CNTNAP5: variants seen among roughly 807,000 people sequenced by gnomAD.
CNTNAP5 encodes the protein contactin associated protein family member 5, also known as contactin-associated protein-like 5.
CNTNAP5 carries 72 observed loss-of-function variants against 150.2 expected under a neutral mutation model. The observed-to-expected ratio is 0.48, with a 90% confidence interval of 0.40 to 0.58. The LOEUF is 0.58. CNTNAP5 is among the 20% of genes least tolerant of loss of function. CNTNAP5 has a pLI of 0.00. For missense variants in CNTNAP5, 1,636 were observed against 1,626.2 expected (o/e 1.01, Z -0.10); for synonymous variants, 672 against 619.8 (o/e 1.08, Z -1.25).
intron 17 of CNTNAP5, among the ~76,000 whole-genome samples, chr2:124,784,137 A>G (rs1310808440): frequency 1.3e-5 from 2 of 152,220 alleles, no homozygotes; most frequent in Admixed American, 6.5e-5. Flanking sequence ...GTTCAAGGGC[A>G]TAAAAATAAA....
At chr2:124,507,679 G>A (rs1694445653) in intron 8 of CNTNAP5, among the ~76,000 whole-genome samples, 1 of 152,124 alleles carries the variant, frequency 6.6e-6, no homozygotes, top group East Asian at 1.9e-4. Context: ...ATCCATACAA[G>A]GGAGAGCCTT....
intron 1 of CNTNAP5, among the ~76,000 whole-genome samples, chr2:124,040,035 T>C (rs1681324277): frequency 6.6e-6 from 1 of 152,206 alleles, no homozygotes; most frequent in African/African-American, 2.4e-5. Context: ...TATTTACCTC[T>C]CTAGATGATG....
chr2:124,485,629 A>AG (rs1438088435), intron 7 of CNTNAP5, among the ~76,000 whole-genome samples: 1 of 146,768 alleles, frequency 6.8e-6, no homozygotes, highest in African/African-American at 2.6e-5. Context: ...AAAAAAAAAA[A>AG]AAAAAGAAGA....
At chr2:124,500,595 A>G (rs1367326707) in intron 7 of CNTNAP5, among the ~76,000 whole-genome samples, 1 of 152,088 alleles carries the variant, frequency 6.6e-6, no homozygotes, top group Non-Finnish European at 1.5e-5. Context: ...TAAAACTGGA[A>G]AAAACGGGAC....
intron 3 of CNTNAP5, among the ~76,000 whole-genome samples, chr2:124,284,859 A>G (rs1245862509): frequency 6.6e-6 from 1 of 152,100 alleles, no homozygotes; most frequent in Non-Finnish European, 1.5e-5. Flanking sequence ...AGAACACATG[A>G]GTCAGTGGGG....
At chr2:124,412,715 A>T (rs1203458674) in intron 3 of CNTNAP5, among the ~76,000 whole-genome samples, 1 of 113,928 alleles carries the variant, frequency 8.8e-6, no homozygotes, top group Non-Finnish European at 1.7e-5. Context: ...CTTACACCTT[A>T]TACAAAAATC....
intron 3 of CNTNAP5, among the ~76,000 whole-genome samples, chr2:124,415,366 GTA>G (rs1283910538): frequency 6.6e-6 from 1 of 152,178 alleles, no homozygotes; most frequent in Non-Finnish European, 1.5e-5. Flanking sequence ...ATACATGATA[GTA>G]ATTACATCAA....
At chr2:124,129,130 T>G (rs1683787107) in intron 1 of CNTNAP5, among the ~76,000 whole-genome samples, 1 of 151,730 alleles carries the variant, frequency 6.6e-6, no homozygotes, top group African/African-American at 2.4e-5. Context: ...ATGGAAGCAA[T>G]GTACAACAAA....
chr2:124,747,763 G>T (rs1322630325), intron 14 of CNTNAP5, among the ~76,000 whole-genome samples: 2 of 135,182 alleles, frequency 1.5e-5, no homozygotes, highest in African/African-American at 2.7e-5. Context: ...GGGAGCAAAA[G>T]CACATGCCAC....
At position 124,916,125 on chromosome 2, in the gene CNTNAP5, A is replaced by G. The variant is rs543464844; in HGVS notation, c.*1837A>G. 3.9e-5 allele frequency among the ~76,000 whole-genome samples: 6 copies of G among 152,114 alleles called. No individual in the cohort carries two copies. In the South Asian group the frequency reaches 1.2e-3, roughly 32 times the overall value. The stretch of plus-strand genomic sequence containing the variant: ...TGAGTTAAGGATTTAGTTTGCAATC[A>G]TATTTCTCTATTTTAAGATGTTGTT... On this transcript the variant is annotated 3_prime_UTR_variant, in exon 24 of 24. Coordinates refer to ENST00000682447, the MANE Select transcript of CNTNAP5 (RefSeq NM_001367498.1).
At chr2:124,878,884 T>G (rs892169599) in intron 21 of CNTNAP5, among the ~76,000 whole-genome samples, 3 of 152,004 alleles carry the variant, frequency 2.0e-5, no homozygotes, top group Non-Finnish European at 4.4e-5. Flanking sequence ...GGTTTCACCA[T>G]GTTGGCCAGG....
intron 17 of CNTNAP5, among the ~76,000 whole-genome samples, chr2:124,780,627 C>A (rs553339058): frequency 1.8e-4 from 27 of 152,322 alleles, no homozygotes; most frequent in African/African-American, 5.5e-4. Flanking sequence ...ATTCTCACTG[C>A]TATTATTTTC....
chr2:124,472,947 A>G (rs1324106277), intron 6 of CNTNAP5, among the ~76,000 whole-genome samples: 1 of 152,018 alleles, frequency 6.6e-6, no homozygotes, highest in East Asian at 1.9e-4. Context: ...GAAGTACAAT[A>G]AAACAAGGTA....
At position 124,199,376 on chromosome 2, in the gene CNTNAP5, A is replaced by T. The variant is rs544749628; in HGVS notation, c.83-22329A>T. Among the ~76,000 whole-genome samples, 210 of 135,402 alleles carry T rather than the reference A, an allele frequency of 1.6e-3. 1 individual carries two copies. The highest frequency in any genetic ancestry group is 2.0e-3 in the Non-Finnish European group (123 of 62,056). The allele number at this position is 135,402 out of a possible 152,430, so 88.8% of individuals were successfully genotyped here. ...AAAGGTCTTTCCAGAGTATTTTATA[A>T]TTTTTTCATGTATTTTGTTACATTT... On this transcript the variant is annotated intron_variant, in intron 1 of 23. Coordinates refer to ENST00000682447, the MANE Select transcript of CNTNAP5 (RefSeq NM_001367498.1).
intron 13 of CNTNAP5, among the ~76,000 whole-genome samples, chr2:124,743,743 C>T (rs191789160): frequency 2.6e-5 from 4 of 152,168 alleles, no homozygotes; most frequent in African/African-American, 9.7e-5. Flanking sequence ...TATTCAAGAA[C>T]CTGATCAATT....
At chr2:124,894,909 T>C (rs1377878949) in intron 21 of CNTNAP5, among the ~76,000 whole-genome samples, 1 of 151,516 alleles carries the variant, frequency 6.6e-6, no homozygotes, top group Non-Finnish European at 1.5e-5. Context: ...TAAGCAGAAT[T>C]GGCATTAGGA....
intron 10 of CNTNAP5, among the ~76,000 whole-genome samples, chr2:124,544,213 G>A (rs968989017): frequency 1.3e-5 from 2 of 152,076 alleles, no homozygotes; most frequent in Non-Finnish European, 2.9e-5. Context: ...TCCATGCAAG[G>A]CTAGTTAGTG....
chr2:124,248,470 T>C (rs1397522549), intron 3 of CNTNAP5, among the ~76,000 whole-genome samples: 1 of 152,192 alleles, frequency 6.6e-6, no homozygotes, highest in Admixed American at 6.5e-5. Flanking sequence ...TTTTAGATGA[T>C]CTTATAACTG....
At chr2:124,729,373 T>A (rs1383287865) in intron 13 of CNTNAP5, among the ~76,000 whole-genome samples, 1 of 152,082 alleles carries the variant, frequency 6.6e-6, no homozygotes, top group East Asian at 1.9e-4. Context: ...AGAATAATAA[T>A]GAATTTTTTA....
Sources: allele counts gnomAD v4.1 joint callset (sites outside exome capture counted in the v4.1 genomes callset), GRCh38; gene constraint gnomAD v4.1.1; transcripts MANE v1.5; gene names NCBI Gene and HGNC (gene_info 2026-07-23, HGNC 2026-07-21).